The following GRID2 variants were observed in gnomAD, a reference collection of about 807,000 sequenced individuals.
GRID2 encodes glutamate ionotropic receptor delta type subunit 2.
In GRID2, 33 loss-of-function variants were observed where a neutral mutation model predicts 114.8. The observed-to-expected ratio is 0.29, with a 90% CI of 0.22 to 0.38. The LOEUF (loss-of-function observed/expected upper bound fraction) is 0.38, where lower values mean the gene tolerates loss of function less well. Ranked by LOEUF, GRID2 falls within the 10% of genes least tolerant of loss-of-function variation. The pLI is 1.00. For missense variants in GRID2, 1,184 were observed against 1,257.7 expected (o/e 0.94, Z 0.89); for synonymous variants, 505 against 449.9 (o/e 1.12, Z -1.55).
chr4:92,328,817 G>A (rs1469756488), intron 1 of GRID2, among the ~76,000 whole-genome samples: 3 of 152,042 alleles, frequency 2.0e-5, no homozygotes, highest in Non-Finnish European at 2.9e-5. Context: ...TTTTCTAACT[G>A]CTACAGCTAA....
At chr4:92,770,947 T>C (rs1409797902) in intron 2 of GRID2, among the ~76,000 whole-genome samples, 1 of 152,136 alleles carries the variant, frequency 6.6e-6, no homozygotes, top group Non-Finnish European at 1.5e-5. Context: ...ATGACACTTA[T>C]TTTAAGAAGG....
Position 93,128,027 on chromosome 4 carries a change from C to CAAAAAAAAAAA in GRID2, c.735+17096_735+17106dup, listed in dbSNP as rs1008311457. Reference sequence around the variant, plus strand: ...CAGAGTAAGACCTTGTCCCCCGCAACAAAAAAAAAAAAAAAAAAAAAAAAA... The same window carrying CAAAAAAAAAAA: ...CAGAGTAAGACCTTGTCCCCCGCAACAAAAAAAAAAAAAAAAAAAAAAAAAAAAAAAAAAAA... On this transcript the variant is annotated intron_variant, in intron 4 of 15. Transcript: ENST00000282020. Among the ~76,000 whole-genome samples, 107 of 20,324 alleles carry CAAAAAAAAAAA rather than the reference C, an allele frequency of 5.3e-3. 17 individuals carry two copies. Among genetic ancestry groups the CAAAAAAAAAAA allele is most frequent in the African/African-American group, 0.016 (94 of 5,946 alleles). 13.3% of individuals were successfully genotyped at this position (20,324 alleles called of 152,430 possible). A position where few individuals can be genotyped will look rare whatever the true frequency, so the allele number is the denominator to read the frequency against.
chr4:92,758,891 A>C (rs1274162791), intron 2 of GRID2, among the ~76,000 whole-genome samples: 1 of 152,170 alleles, frequency 6.6e-6, no homozygotes. Flanking sequence ...ATTATTTCAA[A>C]ATTATGCATG....
At position 92,464,081 on chromosome 4, in the gene GRID2, C is replaced by G. The variant is rs145538151; in HGVS notation, c.89-126050C>G. ...TCAAACATTCTTAAAATACCCTTTT[C>G]TAAATTGTAGAGCATGTAATTTTCC... is the stretch of plus-strand genomic sequence containing the variant. On this transcript the variant is annotated intron_variant, in intron 1 of 15. Transcript: ENST00000282020. 5.9e-3 allele frequency among the ~76,000 whole-genome samples: 903 copies of G among 152,074 alleles called. 8 individuals are homozygous for G. The highest frequency in any genetic ancestry group is 0.02 in the African/African-American group (843 of 41,490).
At chr4:93,588,322 G>T (rs1049060646) in intron 13 of GRID2, among the ~76,000 whole-genome samples, 1 of 151,936 alleles carries the variant, frequency 6.6e-6, no homozygotes, top group African/African-American at 2.4e-5. Flanking sequence ...TGGAATAATA[G>T]GTTTTTTATA....
At chr4:92,586,080 A>G (rs1728424195) in intron 1 of GRID2, among the ~76,000 whole-genome samples, 1 of 151,850 alleles carries the variant, frequency 6.6e-6, no homozygotes, top group African/African-American at 2.4e-5. Context: ...TGTCTAAACT[A>G]TTCAGGCTCT....
At chr4:92,553,549 T>A (rs1195483149) in intron 1 of GRID2, among the ~76,000 whole-genome samples, 1 of 152,192 alleles carries the variant, frequency 6.6e-6, no homozygotes, top group Non-Finnish European at 1.5e-5. Context: ...ACATAAAATA[T>A]TTTGATGCAT....
chr4:92,424,742 A>T (rs1414664748), intron 1 of GRID2, among the ~76,000 whole-genome samples: 1 of 151,402 alleles, frequency 6.6e-6, no homozygotes, highest in Non-Finnish European at 1.5e-5. Context: ...AAAAAAAAAA[A>T]CCACAAGGAC....
chr4:92,937,879 A>G (rs1371294173), intron 2 of GRID2, among the ~76,000 whole-genome samples: 1 of 146,632 alleles, frequency 6.8e-6, no homozygotes, highest in African/African-American at 2.4e-5. Flanking sequence ...TTCAGTACCA[A>G]TGTTAAAGCA....
intron 8 of GRID2, among the ~76,000 whole-genome samples, chr4:93,381,497 C>A (rs976035475): frequency 6.6e-6 from 1 of 152,034 alleles, no homozygotes; most frequent in Non-Finnish European, 1.5e-5. Context: ...TTGCTTCCTG[C>A]GTGACTGTCT....
chr4:92,487,052 G>A (rs1722931941), intron 1 of GRID2, among the ~76,000 whole-genome samples: 1 of 151,560 alleles, frequency 6.6e-6, no homozygotes, highest in Non-Finnish European at 1.5e-5. Context: ...TTTGTGATTT[G>A]TACATTCTCT....
intron 9 of GRID2, among the ~76,000 whole-genome samples, chr4:93,401,287 A>G (rs1193652277): frequency 6.6e-6 from 1 of 152,078 alleles, no homozygotes; most frequent in Non-Finnish European, 1.5e-5. Context: ...ATATGACTGG[A>G]AGTCTATAGT....
At chr4:93,596,518 C>T (rs568563931) in intron 13 of GRID2, among the ~76,000 whole-genome samples, 7 of 151,816 alleles carry the variant, frequency 4.6e-5, no homozygotes, top group South Asian at 2.1e-4. Flanking sequence ...GCGGAGCATG[C>T]GGTGAGCCGA....
chr4:92,343,454 T>A (rs1015106217), intron 1 of GRID2, among the ~76,000 whole-genome samples: 2 of 152,114 alleles, frequency 1.3e-5, no homozygotes, highest in Non-Finnish European at 2.9e-5. Context: ...ATATAACTTT[T>A]TACTTCCTAG....
chr4:92,667,243 G>C (rs564513781), intron 2 of GRID2, among the ~76,000 whole-genome samples: 2 of 151,442 alleles, frequency 1.3e-5, no homozygotes, highest in Non-Finnish European at 3.0e-5. Flanking sequence ...ACTTATTATT[G>C]GTGCTTCCTA....
At chr4:93,177,570 A>T (rs1739465249) in intron 4 of GRID2, among the ~76,000 whole-genome samples, 1 of 152,166 alleles carries the variant, frequency 6.6e-6, no homozygotes, top group African/African-American at 2.4e-5. Flanking sequence ...TTTTCACAAT[A>T]CTTCAGAAAC....
At chr4:92,671,227 C>T (rs1385470445) in intron 2 of GRID2, among the ~76,000 whole-genome samples, 1 of 149,828 alleles carries the variant, frequency 6.7e-6, no homozygotes, top group Non-Finnish European at 1.5e-5. Flanking sequence ...AAGTGCTATC[C>T]ACTTAAACAA....
At chr4:92,413,938 G>A (rs1473671557) in intron 1 of GRID2, among the ~76,000 whole-genome samples, 1 of 151,884 alleles carries the variant, frequency 6.6e-6, no homozygotes, top group Non-Finnish European at 1.5e-5. Context: ...TTAAATGTAG[G>A]AACAACTTAA....
Position 93,154,732 on chromosome 4 carries a change from C to T in GRID2, c.735+43779C>T, listed in dbSNP as rs549099711. 8.6e-5 allele frequency among the ~76,000 whole-genome samples: 13 copies of T among 151,400 alleles called. No homozygotes were observed. In the South Asian group the frequency reaches 1.7e-3, roughly 19 times the overall value. On this transcript the variant is annotated intron_variant, in intron 4 of 15. Coordinates refer to ENST00000282020, the MANE Select transcript of GRID2 (RefSeq NM_001510.4). The stretch of plus-strand genomic sequence containing the variant: ...AACCTCATTATCTTCTCTCTGTATT[C>T]GTGGCAAAAAAACAAAAACAAAAAC...
Sources: gnomAD v4.1 joint callset for allele counts (sites outside exome capture counted in the v4.1 genomes callset) on GRCh38, gnomAD v4.1.1 for gene constraint, MANE v1.5 for transcripts, NCBI Gene and HGNC (gene_info 2026-07-23, HGNC 2026-07-21) for gene names.